The following LIMCH1 variants were observed in gnomAD, a reference collection of about 807,000 sequenced individuals.
LIMCH1 encodes the protein LIM and calponin homology domains-containing protein 1.
A neutral mutation model predicts 176.5 loss-of-function variants in LIMCH1; 113 were observed. The observed-to-expected ratio is 0.64, with a 90% CI of 0.55 to 0.75. LIMCH1 has a LOEUF of 0.75. LIMCH1 is among the 30% of genes least tolerant of loss of function. LIMCH1 has a pLI of 0.00. For missense variants in LIMCH1, 1,674 were observed against 1,814.9 expected (o/e 0.92, Z 1.41); for synonymous variants, 619 against 645.9 (o/e 0.96, Z 0.63).
At chr4:41,621,176 T>C (rs1260230924) in intron 7 of LIMCH1, among the ~76,000 whole-genome samples, 2 of 152,128 alleles carry the variant, frequency 1.3e-5, no homozygotes, top group Non-Finnish European at 2.9e-5. Flanking sequence ...CTAAGTAGAA[T>C]TGGGTTTATT....
Position 41,646,503 on chromosome 4 carries a change from G to C in LIMCH1, c.2430G>C (p.Glu810Asp). 1 of 1,613,498 alleles carries C rather than the reference G, an allele frequency of 6.2e-7. No individual in the cohort carries two copies. Among genetic ancestry groups the C allele is most frequent in the Non-Finnish European group, 8.5e-7 (1 of 1,179,516 alleles). The change falls in exon 17 of 32, where the codon GAG (glutamate) becomes GAC (aspartate). Residue 810 changes from glutamate to aspartate, a missense_variant. By Grantham distance (45) the Glu-to-Asp change is conservative. Transcript: ENST00000503057. ...CCTTTAGAGAGCGGAGAGAGAGAGA[G>C]CTGCATGAAGCATATAAGAACGCTC... ...IVQEKERRER[E>D]LHEAYKNARS... is the part of the protein sequence containing the mutation.
chr4:41,530,820 T>G (rs6850724), intron 3 of LIMCH1, among the ~76,000 whole-genome samples: 1 of 42,624 alleles, frequency 2.3e-5, no homozygotes, highest in African/African-American at 2.2e-4. Flanking sequence ...AAAAAAAAAA[T>G]TTTTTTTTTT....
intron 1 of LIMCH1, among the ~76,000 whole-genome samples, chr4:41,361,164 C>T (rs2051968153): frequency 6.6e-6 from 1 of 152,202 alleles, no homozygotes; most frequent in Non-Finnish European, 1.5e-5. Context: ...AGTCTAGCTG[C>T]GCGCGTGAGG....
intron 1 of LIMCH1, among the ~76,000 whole-genome samples, chr4:41,460,490 C>CTTATAAT (rs2065227167): frequency 1.1e-5 from 1 of 92,934 alleles, no homozygotes; most frequent in African/African-American, 5.9e-5. Context: ...CTTATAATAT[C>CTTATAAT]ATGTTATAGA....
chr4:41,443,408 G>C (rs925950343), intron 1 of LIMCH1, among the ~76,000 whole-genome samples: 1 of 151,992 alleles, frequency 6.6e-6, no homozygotes, highest in East Asian at 1.9e-4. Context: ...ATTTGATTAT[G>C]GTACTTAAAG....
chr4:41,634,553 T>A (rs2093481447), intron 13 of LIMCH1, among the ~76,000 whole-genome samples: 1 of 152,168 alleles, frequency 6.6e-6, no homozygotes, highest in Non-Finnish European at 1.5e-5. Flanking sequence ...TCCAGATTTT[T>A]AAAAAATCAA....
chr4:41,510,878 C>T (rs776028647), intron 2 of LIMCH1, among the ~76,000 whole-genome samples: 6 of 152,204 alleles, frequency 3.9e-5, no homozygotes, highest in East Asian at 1.9e-4. Context: ...TGTGAGCCAC[C>T]GCACCCGACC....
chr4:41,671,734 G>A (rs572050223), intron 22 of LIMCH1, 140 bp downstream of exon 22: 9 of 634,496 alleles, frequency 1.4e-5, no homozygotes, highest in African/African-American at 9.3e-5. Flanking sequence ...AGGGTGAGGC[G>A]GGTGGATCAC....
At chr4:41,456,954 CA>C (rs1038394840) in intron 1 of LIMCH1, among the ~76,000 whole-genome samples, 15 of 152,172 alleles carry the variant, frequency 9.9e-5, no homozygotes, top group African/African-American at 3.4e-4. Context: ...GGTGTGAAGA[CA>C]ATATTCTCTT....
intron 1 of LIMCH1, among the ~76,000 whole-genome samples, chr4:41,452,082 C>A (rs2063956564): frequency 6.6e-6 from 1 of 152,204 alleles, no homozygotes; most frequent in Non-Finnish European, 1.5e-5. Context: ...CAGCTCTAGT[C>A]TGTAGAGCCT....
intron 2 of LIMCH1, among the ~76,000 whole-genome samples, chr4:41,507,755 A>T (rs1429592853): frequency 1.3e-5 from 2 of 151,700 alleles, no homozygotes; most frequent in Non-Finnish European, 2.9e-5. Context: ...GGGCAAGGAC[A>T]TCTCTTCCTT....
chr4:41,566,967 A>G (rs954345356), intron 1 of LIMCH1, among the ~76,000 whole-genome samples: 2 of 152,158 alleles, frequency 1.3e-5, no homozygotes, highest in South Asian at 2.1e-4. Flanking sequence ...TTTGATCCCA[A>G]TCAGCAGTGC....
chr4:41,444,687 A>G (rs2063092635), intron 1 of LIMCH1, among the ~76,000 whole-genome samples: 1 of 152,244 alleles, frequency 6.6e-6, no homozygotes, highest in South Asian at 2.1e-4. Context: ...ATGAGGTTCC[A>G]TCAGCCCTAA....
At chr4:41,523,887 C>T (rs533484940) in intron 2 of LIMCH1, among the ~76,000 whole-genome samples, 38 of 152,310 alleles carry the variant, frequency 2.5e-4, no homozygotes, top group Non-Finnish European at 5.0e-4. Flanking sequence ...TTATTAAACA[C>T]ATTCTTCCCT....
At chr4:41,657,244 A>G (rs1330074109) in intron 18 of LIMCH1, among the ~76,000 whole-genome samples, 1 of 152,262 alleles carries the variant, frequency 6.6e-6, no homozygotes, top group African/African-American at 2.4e-5. Context: ...GGAGAAGGGA[A>G]GGGCTCTCCT....
chr4:41,587,795 A>G (rs1449664207), intron 1 of LIMCH1, among the ~76,000 whole-genome samples: 2 of 152,174 alleles, frequency 1.3e-5, no homozygotes, highest in Non-Finnish European at 1.5e-5. Flanking sequence ...TAAGCTTTAA[A>G]AGTTAAAGTT....
chr4:41,591,086 G>C (rs930343013), intron 1 of LIMCH1, among the ~76,000 whole-genome samples: 4 of 152,162 alleles, frequency 2.6e-5, no homozygotes, highest in African/African-American at 4.8e-5. Flanking sequence ...AGGTAGAATA[G>C]AAAAGTAACA....
chr4:41,546,272 G>A (rs912655741), intron 1 of LIMCH1, among the ~76,000 whole-genome samples: 4 of 151,948 alleles, frequency 2.6e-5, no homozygotes, highest in Non-Finnish European at 4.4e-5. Flanking sequence ...CCAAGTAGCT[G>A]GGAGTACAGG....
At chr4:41,430,759 C>A (rs2061537558) in intron 1 of LIMCH1, among the ~76,000 whole-genome samples, 1 of 152,188 alleles carries the variant, frequency 6.6e-6, no homozygotes, top group African/African-American at 2.4e-5. Flanking sequence ...TGAAAGACAT[C>A]ATTTTTGTGG....
Sources: gnomAD v4.1 joint callset for allele counts (sites outside exome capture counted in the v4.1 genomes callset) on GRCh38, gnomAD v4.1.1 for gene constraint, MANE v1.5 for transcripts, NCBI Gene and HGNC (gene_info 2026-07-23, HGNC 2026-07-21) for gene names.